The following DPP10 variants were observed in gnomAD, a reference collection of about 807,000 sequenced individuals.
DPP10 encodes dipeptidyl peptidase like 10.
Under a neutral mutation model 120.9 loss-of-function variants are expected in DPP10, and 33 were observed. The ratio of observed to expected loss-of-function variants is 0.27; its 90% confidence interval spans 0.21 to 0.37. The LOEUF (loss-of-function observed/expected upper bound fraction) is 0.37. Among genes scored for constraint, DPP10 ranks in the 10% least tolerant of loss-of-function variants. The pLI, the probability that DPP10 is intolerant of heterozygous loss-of-function variation, is 1.00. For synonymous variants in DPP10, 337 were observed against 326.1 expected (o/e 1.03, Z -0.36); for missense variants, 816 against 942.8 (o/e 0.87, Z 1.76).
chr2:115,103,445 C>G (rs1008296159), intron 1 of DPP10, among the ~76,000 whole-genome samples: 1 of 152,170 alleles, frequency 6.6e-6, no homozygotes, highest in Non-Finnish European at 1.5e-5. Context: ...GCCTCAGCCT[C>G]CCAAAGTGCT....
chr2:115,338,419 A>G (rs984032218), intron 2 of DPP10, among the ~76,000 whole-genome samples: 3 of 152,134 alleles, frequency 2.0e-5, no homozygotes, highest in African/African-American at 4.8e-5. Context: ...CACTGACACT[A>G]TGATCATTCA....
intron 1 of DPP10, among the ~76,000 whole-genome samples, chr2:115,055,503 T>C (rs1705830481): frequency 6.6e-6 from 1 of 152,208 alleles, no homozygotes; most frequent in African/African-American, 2.4e-5. Flanking sequence ...AACAGGTCAC[T>C]TTGAAGGAGT....
chr2:114,625,230 G>T lies in DPP10; in HGVS notation c.60+182392G>T, dbSNP rs1024877006. Among the ~76,000 whole-genome samples, 4 of 151,846 alleles carry T rather than the reference G, an allele frequency of 2.6e-5. No homozygotes were observed. In the East Asian group the frequency reaches 7.7e-4, roughly 29 times the overall value. On this transcript the variant is annotated intron_variant, in intron 1 of 25. Transcript: ENST00000410059. ...TTGAAGACACGAGGTTGTGTGTCCG[G>T]CAGTTTCACCAAGTGCAGATTTTGC...
At chr2:115,398,757 T>G (rs2067859958) in intron 3 of DPP10, among the ~76,000 whole-genome samples, 1 of 152,270 alleles carries the variant, frequency 6.6e-6, no homozygotes, top group East Asian at 1.9e-4. Flanking sequence ...CCTCAAGCAT[T>G]TAGTTGAAGA....
At chr2:114,633,248 C>CTTTTTTTT (rs35372708) in intron 1 of DPP10, among the ~76,000 whole-genome samples, 3 of 72,810 alleles carry the variant, frequency 4.1e-5, no homozygotes, top group South Asian at 4.7e-4. Flanking sequence ...GTTTTTCTTT[C>CTTTTTTTT]TTTTTTTTTT....
intron 5 of DPP10, among the ~76,000 whole-genome samples, chr2:115,662,434 AT>A (rs58448463): frequency 0.16 from 24,056 of 146,322 alleles, 2,665 homozygotes; most frequent in African/African-American, 0.32. Context: ...TTTGTTTTTT[AT>A]TTTTTTTTTT....
rs1699615861 is a variant in DPP10 at position 114,974,440 on chromosome 2, CAG to C, written c.61-334796_61-334795del. ...TCCTTTTTTTTTTTTTTTTTTGAAG[CAG>C]AGTCTCACTCTGTCACCCAGGCTGG... On this transcript the variant is annotated intron_variant, in intron 1 of 25. Transcript: ENST00000410059. Among the ~76,000 whole-genome samples, 4 of 128,794 alleles carry C rather than the reference CAG, an allele frequency of 3.1e-5. No homozygotes were observed. In the South Asian group the frequency reaches 9.7e-4, roughly 31 times the overall value. 84.5% of individuals were successfully genotyped at this position (128,794 alleles called of 152,430 possible).
chr2:114,605,666 G>A (rs992488284), intron 1 of DPP10, among the ~76,000 whole-genome samples: 3 of 152,036 alleles, frequency 2.0e-5, no homozygotes, highest in Non-Finnish European at 1.5e-5. Context: ...CCCTAACCCC[G>A]ATATTATTCA....
rs536559233 is a variant in DPP10, at chr2:115,066,066, G to T, written c.61-243173G>T. On this transcript the variant is annotated intron_variant, in intron 1 of 25. Transcript: ENST00000410059. Reference sequence around the variant, plus strand: ...TTTGCATCTACCATTATTCTAAATTGTGTGACTTGACAAGATCCACGTTAT... The same window carrying T: ...TTTGCATCTACCATTATTCTAAATTTTGTGACTTGACAAGATCCACGTTAT... 9.8e-4 allele frequency among the ~76,000 whole-genome samples: 149 copies of T among 152,272 alleles called. 1 individual carries two copies. In the Middle Eastern group the frequency reaches 0.02, roughly 21 times the overall value.
intron 1 of DPP10, among the ~76,000 whole-genome samples, chr2:115,189,473 G>T (rs1352997436): frequency 6.6e-6 from 1 of 152,298 alleles, no homozygotes; most frequent in East Asian, 1.9e-4. Flanking sequence ...GAGCCAAGGG[G>T]TGAAGAGAAC....
At chr2:114,564,054 A>G (rs1688988012) in intron 1 of DPP10, among the ~76,000 whole-genome samples, 1 of 152,186 alleles carries the variant, frequency 6.6e-6, no homozygotes, top group Non-Finnish European at 1.5e-5. Context: ...CCTTCCAGCA[A>G]TCGATTCCTT....
chr2:115,339,358 A>G (rs1392584112), intron 2 of DPP10, among the ~76,000 whole-genome samples: 1 of 152,176 alleles, frequency 6.6e-6, no homozygotes, highest in Non-Finnish European at 1.5e-5. Flanking sequence ...ATTGCTGGTG[A>G]GAATGTAAAA....
intron 1 of DPP10, among the ~76,000 whole-genome samples, chr2:114,707,926 G>C (rs1312631176): frequency 2.0e-5 from 3 of 152,144 alleles, no homozygotes; most frequent in African/African-American, 2.4e-5. Context: ...AACCTCACCA[G>C]TTTCTACAAA....
At chr2:115,768,451 C>T (rs1373990286) in intron 13 of DPP10, 47 bp downstream of exon 13, 11 of 1,531,788 alleles carry the variant, frequency 7.2e-6, no homozygotes, top group Non-Finnish European at 9.9e-6. Flanking sequence ...GTCCTCATGT[C>T]CCCGAAGGCC....
At chr2:115,519,868 C>T (rs1002391834) in intron 4 of DPP10, among the ~76,000 whole-genome samples, 1 of 152,126 alleles carries the variant, frequency 6.6e-6, no homozygotes, top group African/African-American at 2.4e-5. Context: ...ATGGACTGCA[C>T]TATGAAAGAA....
At chr2:115,701,660 G>A (rs1349011425) in intron 7 of DPP10, among the ~76,000 whole-genome samples, 3 of 151,884 alleles carry the variant, frequency 2.0e-5, no homozygotes, top group Admixed American at 6.6e-5. Context: ...GGAGTAAAAA[G>A]GCAACATGTG....
At chr2:114,942,320 T>TATATATATATATATAC (rs869121143) in intron 1 of DPP10, among the ~76,000 whole-genome samples, 3 of 123,978 alleles carry the variant, frequency 2.4e-5, no homozygotes, top group African/African-American at 9.4e-5. Flanking sequence ...TATATATATA[T>TATATATATATATATAC]ACACACACAT....
At chr2:114,834,089 C>T (rs553874534) in intron 1 of DPP10, 9 of 151,672 alleles carry the variant, frequency 5.9e-5, no homozygotes, top group African/African-American at 2.2e-4. Flanking sequence ...TAAGCCATAT[C>T]TACGCACCTA....
intron 1 of DPP10, among the ~76,000 whole-genome samples, chr2:114,612,835 A>G (rs1421946373): frequency 1.3e-5 from 2 of 152,162 alleles, no homozygotes; most frequent in Non-Finnish European, 2.9e-5. Context: ...AAAGTTATGT[A>G]TATAGAGTTA....
Sources: allele counts gnomAD v4.1 joint callset (sites outside exome capture counted in the v4.1 genomes callset), GRCh38; gene constraint gnomAD v4.1.1; transcripts MANE v1.5; gene names NCBI Gene and HGNC (gene_info 2026-07-23, HGNC 2026-07-21).